FIGNL2: variants seen among roughly 807,000 people sequenced by gnomAD.
FIGNL2 encodes fidgetin like 2.
For synonymous variants in FIGNL2, 565 were observed against 484.0 expected (o/e 1.17, Z -2.20); for missense variants, 1,060 against 950.2 (o/e 1.12, Z -1.52).
At chr12:51,843,809 C>T (rs990160750) in intron 1 of FIGNL2, among the ~76,000 whole-genome samples, 16 of 152,112 alleles carry the variant, frequency 1.1e-4, no homozygotes, top group African/African-American at 3.9e-4. Flanking sequence ...TGCAATGGCT[C>T]ACACCTGTAA....
intron 1 of FIGNL2, among the ~76,000 whole-genome samples, chr12:51,833,102 C>G (rs1317400411): frequency 6.6e-6 from 1 of 152,150 alleles, no homozygotes; most frequent in Non-Finnish European, 1.5e-5. Context: ...GACTGGAGTG[C>G]AGCGGCGTGA....
rs1421872596 is a variant in FIGNL2, at chr12:51,821,313, G to A, written c.1101C>T (p.Pro367=). Residue 367 remains proline (P), a synonymous_variant, in exon 2 of 2, where the codon CCC becomes CCT. Transcript: ENST00000618634. ...CCAGGGCCCCAGGGTCCACGCCTTT[G>A]GGAGTCTCCCCCGACGGCACGGCGA... ...GGFAVPSGET[P]KGVDPGALEL... The A allele has an allele frequency of 6.6e-7, 1 of 1,521,128 alleles. No homozygotes were observed. Among genetic ancestry groups the A allele is most frequent in the Non-Finnish European group, 8.8e-7 (1 of 1,140,058 alleles). The allele number at this position is 1,521,128 out of a possible 1,614,324, so 94.2% of individuals were successfully genotyped here.
chr12:51,823,048 A>G (rs565792199), intron 1 of FIGNL2, among the ~76,000 whole-genome samples: 7 of 152,296 alleles, frequency 4.6e-5, no homozygotes, highest in African/African-American at 1.7e-4. Flanking sequence ...GGACTGCCTT[A>G]TCCATGGGAA....
chr12:51,829,797 GAAGGAAGGGAGAA>G (rs909966773), intron 1 of FIGNL2, among the ~76,000 whole-genome samples: 5 of 150,966 alleles, frequency 3.3e-5, no homozygotes, highest in Non-Finnish European at 7.4e-5. Flanking sequence ...AAGAAGGAAG[GAAGGAAGGGAGAA>G]AAGGAAGGAA....
intron 1 of FIGNL2, among the ~76,000 whole-genome samples, chr12:51,836,144 C>T (rs966256647): frequency 4.6e-5 from 7 of 152,154 alleles, no homozygotes; most frequent in African/African-American, 1.7e-4. Flanking sequence ...GGCAGTTTTA[C>T]AGCTACCCTG....
At chr12:51,838,253 C>A (rs1264071638) in intron 1 of FIGNL2, among the ~76,000 whole-genome samples, 1 of 152,232 alleles carries the variant, frequency 6.6e-6, no homozygotes, top group Non-Finnish European at 1.5e-5. Context: ...CCACTGCACA[C>A]TGGGCTGGGA....
At position 51,821,631 on chromosome 12, in the gene FIGNL2, G is replaced by C; in HGVS notation, c.783C>G (p.Ser261=). 2.0e-6 allele frequency: 3 copies of C among 1,486,368 alleles called. No individual in the cohort carries two copies. The South Asian group carries it at 3.8e-5, about 19-fold the overall frequency. The allele number at this position is 1,486,368 out of a possible 1,614,324, so 92.1% of individuals were successfully genotyped here. A position where few individuals can be genotyped will look rare whatever the true frequency, so the allele number is the denominator to read the frequency against. ...GFPTAAPGAE[S]GLSLKRKAAD... is the part of the protein sequence containing the mutation. ...CGGCCTTGCGCTTCAGCGACAGCCC[G>C]GATTCGGCACCCGGCGCGGCCGTGG... The change falls in exon 2 of 2, where the codon TCC becomes TCG. Residue 261 remains serine (S), a synonymous_variant. Coordinates refer to ENST00000618634, the MANE Select transcript of FIGNL2 (RefSeq NM_001384995.1).
intron 1 of FIGNL2, among the ~76,000 whole-genome samples, chr12:51,842,875 G>A (rs529941040): frequency 2.0e-5 from 3 of 152,288 alleles, no homozygotes; most frequent in South Asian, 2.1e-4. Flanking sequence ...TTGCCTCTTC[G>A]CTGGTCCCCA....
At chr12:51,830,884 C>T (rs1437391494) in intron 1 of FIGNL2, among the ~76,000 whole-genome samples, 1 of 152,142 alleles carries the variant, frequency 6.6e-6, no homozygotes, top group East Asian at 1.9e-4. Context: ...CAGGTTCAAG[C>T]GATCCCCCCA....
chr12:51,844,619 T>G, intron 1 of FIGNL2: 1,462 of 816,140 alleles, frequency 1.8e-3, no homozygotes, highest in Non-Finnish European at 2.0e-3. Flanking sequence ...ACCTCACAGA[T>G]GAGATACAGA....
Position 51,817,967 on chromosome 12 carries a change from C to T in FIGNL2, c.*2485G>A, listed in dbSNP as rs191140540. The stretch of plus-strand genomic sequence containing the variant: ...TACAGTCTCTTCTGAGGTAGACAGA[C>T]CACAACTGCAGAGCATCGTCAGACA... On this transcript the variant is annotated 3_prime_UTR_variant, in exon 2 of 2. Transcript: ENST00000618634. 1 of 152,450 alleles carries T rather than the reference C, an allele frequency of 6.6e-6. No homozygotes were observed. Among genetic ancestry groups the T allele is most frequent in the Non-Finnish European group, 1.5e-5 (1 of 68,044 alleles). The allele number at this position is 152,450 out of a possible 1,614,324, so 9.4% of individuals were successfully genotyped here.
intron 1 of FIGNL2, among the ~76,000 whole-genome samples, chr12:51,825,440 A>G (rs912233167): frequency 2.5e-4 from 38 of 152,158 alleles, no homozygotes; most frequent in African/African-American, 8.7e-4. Context: ...CCACCCGCCA[A>G]CGAAGATCCT....
rs1449502465 is a variant in FIGNL2, at chr12:51,820,663, G to A, written c.1751C>T (p.Ala584Val). 8 of 1,514,580 alleles carry A rather than the reference G, an allele frequency of 5.3e-6. No individual in the cohort carries two copies. Among genetic ancestry groups the A allele is most frequent in the Non-Finnish European group, 7.0e-6 (8 of 1,139,034 alleles). The allele number at this position is 1,514,580 out of a possible 1,614,324, so 93.8% of individuals were successfully genotyped here. ...GCCCTGCGTGCCCTGCACCAGCGCC[G>A]CCAGTTCCCGCTCACTGAGCGCGCA... ...QGCALSEREL[A>V]ALVQGTQGFS... The change falls in exon 2 of 2, where the codon GCG (alanine) becomes GTG (valine). Residue 584 changes from alanine (A) to valine (V), a missense_variant. By Grantham distance (64) the Ala-to-Val change is moderately conservative. Transcript: ENST00000618634.
chr12:51,826,081 C>T (rs1462725015), intron 1 of FIGNL2: 2 of 152,214 alleles, frequency 1.3e-5, no homozygotes, highest in South Asian at 2.1e-4. Flanking sequence ...CCTTTATCTA[C>T]ATCTGTATCC....
At chr12:51,824,622 T>C (rs892272530) in intron 1 of FIGNL2, 4 of 152,240 alleles carry the variant, frequency 2.6e-5, no homozygotes, top group South Asian at 2.1e-4. Flanking sequence ...GGGGCAGATA[T>C]GCAGCCCTCC....
chr12:51,823,851 G>A (rs1274305415), intron 1 of FIGNL2, among the ~76,000 whole-genome samples: 5 of 152,146 alleles, frequency 3.3e-5, no homozygotes, highest in African/African-American at 9.7e-5. Flanking sequence ...TGGGTCAGTC[G>A]GGTGGAGAAG....
intron 1 of FIGNL2, chr12:51,846,896 G>A (rs1939762960): frequency 4.1e-6 from 3 of 738,978 alleles, no homozygotes; most frequent in Non-Finnish European, 5.0e-6. Flanking sequence ...GATGCCAATG[G>A]AATCAAGTGG....
intron 1 of FIGNL2, among the ~76,000 whole-genome samples, chr12:51,841,029 C>T (rs867752931): frequency 7.9e-5 from 12 of 152,212 alleles, no homozygotes; most frequent in South Asian, 2.1e-4. Context: ...TTACCAAAGG[C>T]GAGGAAACAG....
intron 1 of FIGNL2, among the ~76,000 whole-genome samples, chr12:51,836,327 C>T (rs1053537930): frequency 2.6e-5 from 4 of 152,108 alleles, no homozygotes; most frequent in Non-Finnish European, 4.4e-5. Context: ...GCGCTGCCCT[C>T]CCCCATCAGC....
Sources: gnomAD v4.1 joint callset for allele counts (sites outside exome capture counted in the v4.1 genomes callset) on GRCh38, gnomAD v4.1.1 for gene constraint, MANE v1.5 for transcripts, NCBI Gene and HGNC (gene_info 2026-07-23, HGNC 2026-07-21) for gene names.